The following ITGA8 variants were observed in gnomAD, a reference collection of about 807,000 sequenced individuals.
ITGA8 encodes the protein integrin alpha-8.
ITGA8 carries 91 observed loss-of-function variants against 142.3 expected under a neutral mutation model. That is an observed-to-expected ratio of 0.64 (90% CI 0.54 to 0.76). The LOEUF (loss-of-function observed/expected upper bound fraction) is 0.76, where lower values mean the gene tolerates loss of function less well. Among genes scored for constraint, ITGA8 ranks in the 30% least tolerant of loss-of-function variants. ITGA8 has a pLI of 0.00. For missense variants in ITGA8, 1,406 were observed against 1,327.7 expected, an observed-to-expected ratio of 1.06 and a Z score of -0.92; for synonymous variants, 505 against 485.2, an observed-to-expected ratio of 1.04 and a Z score of -0.54.
intron 2 of ITGA8, among the ~76,000 whole-genome samples, chr10:15,714,224 C>T (rs145291682): frequency 1.1e-3 from 163 of 152,264 alleles, no homozygotes; most frequent in African/African-American, 3.8e-3. Context: ...TTGTCTCATT[C>T]GTTCTCCCTT....
Position 15,716,240 on chromosome 10 carries a change from G to A in ITGA8, c.343+2526C>T, listed in dbSNP as rs534342702. On this transcript the variant is annotated intron_variant, in intron 2 of 29. Coordinates refer to ENST00000378076, the MANE Select transcript of ITGA8 (RefSeq NM_003638.3). The stretch of plus-strand genomic sequence containing the variant: ...CTTTCTCTCACTTTGTTCCATTTGT[G>A]AATTCTGAAATTATTATGATTGTAG... Among the ~76,000 whole-genome samples the A allele has an allele frequency of 1.2e-4, 19 of 152,164 alleles. No homozygotes were observed. In the South Asian group the frequency reaches 3.7e-3, roughly 30 times the overall value.
In ITGA8 at chr10:15,597,343, A is replaced by C. The variant is rs200898282; in HGVS notation, c.2119-44T>G. 2.7e-6 allele frequency: 4 copies of C among 1,484,888 alleles called. No homozygotes were observed. The East Asian group carries it at 9.0e-5, about 34-fold the overall frequency. 92.0% of individuals were successfully genotyped at this position (1,484,888 alleles called of 1,614,324 possible). On this transcript the variant is annotated intron_variant, in intron 20 of 29. Coordinates refer to ENST00000378076, the MANE Select transcript of ITGA8 (RefSeq NM_003638.3). ...GGGGGTTTAGGGGGCAGGATAAATG[A>C]CATCCTGACACAAAAGCCATGCTGG...
intron 2 of ITGA8, among the ~76,000 whole-genome samples, chr10:15,693,250 G>A (rs2131715250): frequency 6.6e-6 from 1 of 152,020 alleles, no homozygotes; most frequent in South Asian, 2.1e-4. Context: ...TGTTTCCTGT[G>A]GTTTGCATTT....
intron 27 of ITGA8, among the ~76,000 whole-genome samples, chr10:15,534,940 G>T (rs1264155103): frequency 1.3e-5 from 2 of 152,202 alleles, no homozygotes; most frequent in Non-Finnish European, 2.9e-5. Context: ...GCCGGAGCCG[G>T]CTCCCTCAGC....
rs560512189 is a variant in ITGA8, at chr10:15,608,124, T to C, written c.1609+111A>G. The C allele has an allele frequency of 5.4e-5, 42 of 773,474 alleles. 1 individual carries two copies. The Admixed American group carries it at 1.0e-3, about 18-fold the overall frequency. The allele number at this position is 773,474 out of a possible 1,614,324, so 47.9% of individuals were successfully genotyped here. On this transcript the variant is annotated intron_variant, in intron 16 of 29. Transcript: ENST00000378076. ...GAAGGTTCCATATATGCAACAGATA[T>C]CTTGGTATTCCTCAAGGGTTCTTTC... is the stretch of plus-strand genomic sequence containing the variant.
At chr10:15,701,812 C>A (rs1435481140) in intron 2 of ITGA8, among the ~76,000 whole-genome samples, 1 of 152,192 alleles carries the variant, frequency 6.6e-6, no homozygotes, top group Non-Finnish European at 1.5e-5. Context: ...AAAGCTGTTG[C>A]AGGAGCTATC....
At chr10:15,621,066 C>G (rs1833482282) in intron 13 of ITGA8, among the ~76,000 whole-genome samples, 1 of 152,042 alleles carries the variant, frequency 6.6e-6, no homozygotes, top group African/African-American at 2.4e-5. Context: ...GGGTCTGATA[C>G]CATTATCTAT....
chr10:15,572,481 A>G (rs1834204499), intron 24 of ITGA8, 112 bp from the exon 25 acceptor site: 1 of 957,858 alleles, frequency 1.0e-6, no homozygotes, highest in Admixed American at 2.4e-5. Context: ...GTTTTAAGTC[A>G]TCTGGACTAT....
At chr10:15,592,548 T>A (rs1832945013) in intron 21 of ITGA8, among the ~76,000 whole-genome samples, 1 of 152,342 alleles carries the variant, frequency 6.6e-6, no homozygotes, top group African/African-American at 2.4e-5. Context: ...TCCTGCCACC[T>A]TTTTGTGTGT....
chr10:15,561,617 A>G (rs1833983165), intron 25 of ITGA8, among the ~76,000 whole-genome samples: 1 of 152,154 alleles, frequency 6.6e-6, no homozygotes, highest in Non-Finnish European at 1.5e-5. Flanking sequence ...GAACCCAAGG[A>G]ATGTCCAAGG....
At chr10:15,689,303 G>C (rs1435497537) in intron 2 of ITGA8, among the ~76,000 whole-genome samples, 1 of 152,198 alleles carries the variant, frequency 6.6e-6, no homozygotes, top group Non-Finnish European at 1.5e-5. Context: ...ATTGCAACCA[G>C]ACTAACTTAA....
chr10:15,684,061 A>AG lies in ITGA8; in HGVS notation c.510dup (p.Cys171LeufsTer23). ...CTGAAGTTCTGAATTGCTACATAGC[A>AG]GGTGCCAACTGGGTCCTTTTCTGGT... On this transcript the variant is annotated frameshift_variant, in exon 4 of 30. Transcript: ENST00000378076. LOFTEE classifies it high-confidence loss of function. 1 of 1,614,216 alleles carries AG rather than the reference A, an allele frequency of 6.2e-7. No individual in the cohort carries two copies. Among genetic ancestry groups the AG allele is most frequent in the Middle Eastern group, 1.6e-4 (1 of 6,062 alleles).
chr10:15,645,433 G>T (rs1833963121), intron 12 of ITGA8, among the ~76,000 whole-genome samples: 1 of 152,130 alleles, frequency 6.6e-6, no homozygotes, highest in Admixed American at 6.5e-5. Context: ...AGATAATTTA[G>T]CACTATTTAT....
intron 6 of ITGA8, among the ~76,000 whole-genome samples, chr10:15,673,205 T>C (rs937484734): frequency 3.3e-5 from 5 of 152,166 alleles, no homozygotes; most frequent in Non-Finnish European, 7.3e-5. Flanking sequence ...TGCTTCAGCC[T>C]CCCAAGTAGC....
At chr10:15,572,503 A>C (rs1834204749) in intron 24 of ITGA8, 134 bp from the exon 25 acceptor site, 3 of 788,666 alleles carry the variant, frequency 3.8e-6, no homozygotes, top group Non-Finnish European at 5.8e-6. Context: ...ACTATGGAAA[A>C]TAAGAAAATT....
chr10:15,684,275 G>T, intron 3 of ITGA8, 148 bp from the exon 4 acceptor site: 1 of 719,630 alleles, frequency 1.4e-6, no homozygotes, highest in Non-Finnish European at 2.2e-6. Context: ...GGTCATCAGA[G>T]GTAATTAAAC....
At chr10:15,550,308 C>T (rs1272023969) in intron 26 of ITGA8, among the ~76,000 whole-genome samples, 4 of 152,052 alleles carry the variant, frequency 2.6e-5, no homozygotes, top group South Asian at 2.1e-4. Context: ...TTATCAGCAG[C>T]GTGAAAATGG....
At chr10:15,620,042 C>A (rs367770533) in intron 13 of ITGA8, among the ~76,000 whole-genome samples, 3 of 152,210 alleles carry the variant, frequency 2.0e-5, no homozygotes, top group Non-Finnish European at 4.4e-5. Context: ...GGAATCTTTA[C>A]GTTTGCACAT....
At chr10:15,538,419 G>A (rs1199177014) in intron 27 of ITGA8, among the ~76,000 whole-genome samples, 1 of 151,132 alleles carries the variant, frequency 6.6e-6, no homozygotes, top group Non-Finnish European at 1.5e-5. Flanking sequence ...GGCTGAGACG[G>A]GAGAATCGCT....
Sources: allele counts gnomAD v4.1 joint callset (sites outside exome capture counted in the v4.1 genomes callset), GRCh38; gene constraint gnomAD v4.1.1; transcripts MANE v1.5; gene names NCBI Gene and HGNC (gene_info 2026-07-23, HGNC 2026-07-21).